The following STXBP5L variants were observed in gnomAD, a reference collection of about 807,000 sequenced individuals.
STXBP5L encodes the protein syntaxin binding protein 5L.
STXBP5L carries 65 observed loss-of-function variants against 144.5 expected under a neutral mutation model. The ratio of observed to expected loss-of-function variants is 0.45; its 90% CI spans 0.37 to 0.55. STXBP5L has a LOEUF of 0.55. STXBP5L is among the 20% of genes least tolerant of loss of function. STXBP5L has a pLI of 0.00. For synonymous variants in STXBP5L, 505 were observed against 469.6 expected (o/e 1.08, Z -0.97); for missense variants, 1,298 against 1,405.5 (o/e 0.92, Z 1.22).
intron 5 of STXBP5L, among the ~76,000 whole-genome samples, chr3:121,056,433 G>A (rs945701765): frequency 1.6e-4 from 24 of 152,042 alleles, no homozygotes; most frequent in Admixed American, 1.6e-3. Flanking sequence ...TACTATCAGA[G>A]AATTTCTGAA....
chr3:121,065,081 T>C (rs111420690), intron 5 of STXBP5L, among the ~76,000 whole-genome samples: 12 of 152,234 alleles, frequency 7.9e-5, no homozygotes, highest in Non-Finnish European at 1.5e-4. Context: ...TTTTTTTTTT[T>C]TATGGCTGCA....
chr3:120,992,818 C>T (rs923094563), intron 3 of STXBP5L, among the ~76,000 whole-genome samples: 1 of 151,984 alleles, frequency 6.6e-6, no homozygotes, highest in Non-Finnish European at 1.5e-5. Context: ...GATAAATACT[C>T]AGTAGTAGAA....
In STXBP5L at chr3:121,381,373, G is replaced by A. The variant is rs777540488; in HGVS notation, c.2428G>A (p.Ala810Thr). 1.2e-6 allele frequency: 2 copies of A among 1,610,780 alleles called. No homozygotes were observed. Among genetic ancestry groups the A allele is most frequent in the South Asian group, 2.2e-5 (2 of 90,548 alleles). The change falls in exon 22 of 27, where the codon GCA becomes ACA. Residue 810 changes from alanine to threonine, a missense_variant. Transcript: ENST00000471454. ...IDKDSKEAITALYFMDSFARK... is the reference protein window; with the variant it reads ...IDKDSKEAITTLYFMDSFARK... ...CAAAGATTCTAAAGAAGCAATTACA[G>A]CACTATACTTCATGGACTCCTTTGC... is the stretch of plus-strand genomic sequence containing the variant.
intron 10 of STXBP5L, among the ~76,000 whole-genome samples, chr3:121,207,990 C>A (rs560757794): frequency 1.3e-5 from 2 of 152,194 alleles, no homozygotes; most frequent in African/African-American, 4.8e-5. Context: ...TGGGTATATA[C>A]CCAAAGGATT....
At chr3:121,174,700 A>G (rs375694709) in intron 9 of STXBP5L, among the ~76,000 whole-genome samples, 1 of 152,208 alleles carries the variant, frequency 6.6e-6, no homozygotes, top group African/African-American at 2.4e-5. Context: ...GGCTACAGAC[A>G]TAAGGTCTTT....
chr3:121,210,616 G>A (rs1207570452), intron 10 of STXBP5L, among the ~76,000 whole-genome samples: 7 of 151,990 alleles, frequency 4.6e-5, no homozygotes, highest in African/African-American at 1.2e-4. Flanking sequence ...TATAAGGTGT[G>A]AGTAAGGGAT....
chr3:121,192,204 G>A (rs932765120), intron 9 of STXBP5L, among the ~76,000 whole-genome samples: 16 of 152,244 alleles, frequency 1.1e-4, no homozygotes, highest in African/African-American at 3.9e-4. Flanking sequence ...CAAATTATGA[G>A]TGAACTCCCA....
chr3:121,024,216 C>T (rs546295223), intron 3 of STXBP5L, among the ~76,000 whole-genome samples: 1 of 152,232 alleles, frequency 6.6e-6, no homozygotes, highest in South Asian at 2.1e-4. Context: ...ACTTTAAAAA[C>T]TCAACAATAA....
intron 9 of STXBP5L, among the ~76,000 whole-genome samples, chr3:121,165,036 C>A (rs1251713624): frequency 6.6e-6 from 1 of 151,668 alleles, no homozygotes; most frequent in African/African-American, 2.4e-5. Flanking sequence ...TTTTTGCCAC[C>A]AAAAAAATGG....
At chr3:121,019,242 C>A (rs1945369666) in intron 3 of STXBP5L, among the ~76,000 whole-genome samples, 1 of 152,178 alleles carries the variant, frequency 6.6e-6, no homozygotes, top group Admixed American at 6.5e-5. Context: ...AGAGTCTGAG[C>A]TCAGACATGC....
chr3:121,042,618 T>C (rs1253021834), intron 4 of STXBP5L, among the ~76,000 whole-genome samples: 1 of 152,166 alleles, frequency 6.6e-6, no homozygotes, highest in East Asian at 1.9e-4. Context: ...TATTTGCATA[T>C]ATCTATATCT....
At chr3:121,372,507 C>T (rs951879161) in intron 20 of STXBP5L, among the ~76,000 whole-genome samples, 2 of 152,182 alleles carry the variant, frequency 1.3e-5, no homozygotes, top group Non-Finnish European at 2.9e-5. Flanking sequence ...GGGGTCTCCT[C>T]CTGCTGGGAT....
chr3:121,147,478 A>T (rs1187152297), intron 7 of STXBP5L, among the ~76,000 whole-genome samples: 1 of 152,156 alleles, frequency 6.6e-6, no homozygotes, highest in Admixed American at 6.6e-5. Context: ...CTCCAGGAAA[A>T]TTTATAGTTT....
Position 121,041,775 on chromosome 3 carries a change from C to A in STXBP5L, c.363C>A (p.Ile121=). 1 of 1,611,430 alleles carries A rather than the reference C, an allele frequency of 6.2e-7. No individual in the cohort carries two copies. The highest frequency in any genetic ancestry group is 1.1e-5 in the South Asian group (1 of 90,982). Residue 121 remains isoleucine, a synonymous_variant, in exon 4 of 27, where the codon ATC becomes ATA. Transcript: ENST00000471454. Reference sequence around the variant, plus strand: ...CTGTCCTACAGCTCCAATTTTTGATCAATGAGGTAAGGATTATTTTTTGAC... The same window carrying A: ...CTGTCCTACAGCTCCAATTTTTGATAAATGAGGTAAGGATTATTTTTTGAC... The part of the protein sequence containing the change: ...GAAVLQLQFL[I]NEGALVSASS...
chr3:121,070,897 A>G (rs1418111748), intron 5 of STXBP5L, among the ~76,000 whole-genome samples: 1 of 152,158 alleles, frequency 6.6e-6, no homozygotes, highest in Non-Finnish European at 1.5e-5. Flanking sequence ...GGGTTCGCCA[A>G]TTCGGACTTT....
chr3:120,958,495 T>A (rs1938315805), intron 3 of STXBP5L, among the ~76,000 whole-genome samples: 1 of 138,084 alleles, frequency 7.2e-6, no homozygotes, highest in African/African-American at 2.8e-5. Context: ...TGAAGATCAA[T>A]GCAAAAATCC....
At chr3:121,041,422 A>T (rs1947144844) in intron 3 of STXBP5L, among the ~76,000 whole-genome samples, 1 of 152,122 alleles carries the variant, frequency 6.6e-6, no homozygotes, top group South Asian at 2.1e-4. Context: ...CTTAAATGAA[A>T]TGAGGTGTAT....
At chr3:121,412,727 CAAAAAAAAAAAAA>C (rs35247157) in intron 23 of STXBP5L, among the ~76,000 whole-genome samples, 1 of 69,592 alleles carries the variant, frequency 1.4e-5, no homozygotes, top group South Asian at 6.1e-4. Flanking sequence ...TTTCTCCCTC[CAAAAAAAAAAAAA>C]AAAAAAAAAC....
chr3:121,293,024 TA>T (rs1167426286), intron 19 of STXBP5L, among the ~76,000 whole-genome samples: 1 of 151,648 alleles, frequency 6.6e-6, no homozygotes, highest in Non-Finnish European at 1.5e-5. Context: ...AAAAACCTAT[TA>T]AAACGAAAAA....
Sources: allele counts gnomAD v4.1 joint callset (sites outside exome capture counted in the v4.1 genomes callset), GRCh38; gene constraint gnomAD v4.1.1; transcripts MANE v1.5; gene names NCBI Gene and HGNC (gene_info 2026-07-23, HGNC 2026-07-21).